Variants in SPAG1 observed in about 807,000 individuals in gnomAD.
SPAG1 encodes sperm associated antigen 1, also known as sperm-associated antigen 1.
Under a neutral mutation model 100.5 loss-of-function variants are expected in SPAG1, and 69 were observed. The ratio of observed to expected loss-of-function variants is 0.69; its 90% CI spans 0.57 to 0.84. The LOEUF (loss-of-function observed/expected upper bound fraction) is 0.84, where lower values mean the gene tolerates loss of function less well. Among genes scored for constraint, SPAG1 ranks in the 40% least tolerant of loss-of-function variants. The pLI is 0.00. For synonymous variants in SPAG1, 336 were observed against 411.6 expected, an observed-to-expected ratio of 0.82 and a Z score of 2.22; for missense variants, 955 against 1,133.1, an observed-to-expected ratio of 0.84 and a Z score of 2.26.
At chr8:100,210,012 T>G (rs778156769) in intron 10 of SPAG1, among the ~76,000 whole-genome samples, 1 of 152,176 alleles carries the variant, frequency 6.6e-6, no homozygotes, top group Non-Finnish European at 1.5e-5. Context: ...AATTGATCAG[T>G]CTACAACTTT....
At chr8:100,225,140 A>AG in intron 13 of SPAG1, 33 bp from the exon 14 acceptor site, 1 of 1,574,444 alleles carries the variant, frequency 6.4e-7, no homozygotes, top group Non-Finnish European at 8.7e-7. Flanking sequence ...AGCAAACTAA[A>AG]TGATCAACAG....
At chr8:100,185,187 A>G (rs1816535378) in intron 7 of SPAG1, 2 of 153,270 alleles carry the variant, frequency 1.3e-5, no homozygotes, top group African/African-American at 4.8e-5. Flanking sequence ...ACAACCAGTT[A>G]CAGATTTCCT....
At chr8:100,223,178 A>G (rs1369936507) in intron 13 of SPAG1, among the ~76,000 whole-genome samples, 1 of 152,212 alleles carries the variant, frequency 6.6e-6, no homozygotes, top group African/African-American at 2.4e-5. Context: ...CAGTTGATGA[A>G]CATTTGGGTC....
intron 10 of SPAG1, among the ~76,000 whole-genome samples, chr8:100,212,348 G>A (rs1563799335): frequency 6.6e-6 from 1 of 152,080 alleles, no homozygotes; most frequent in South Asian, 2.1e-4. Flanking sequence ...ACTTTTTAAC[G>A]GTGCTGTGAA....
rs1019763874 is a variant in SPAG1, at chr8:100,213,744, G to A, written c.1436-75G>A. ...GCAGTGCCACCCCACCGGAGACCTC[G>A]GCCGTCTTGTAATTCTGGTGAACTG... On this transcript the variant is annotated intron_variant, in intron 11 of 18. Coordinates refer to ENST00000388798, the MANE Select transcript of SPAG1 (RefSeq NM_003114.5). The A allele has an allele frequency of 4.3e-6, 4 of 933,630 alleles. No individual in the cohort carries two copies. The African/African-American group carries it at 6.5e-5, about 15-fold the overall frequency. 57.8% of individuals were successfully genotyped at this position (933,630 alleles called of 1,614,324 possible).
chr8:100,235,264 C>T lies in SPAG1; in HGVS notation c.2115+1727C>T, dbSNP rs184987743. On this transcript the variant is annotated intron_variant, in intron 16 of 18. Transcript: ENST00000388798. ...GTCATCTTGGACTAGGTAGGGCCTA[C>T]TGATTTTAACTTGATTACCTCTTTA... Among the ~76,000 whole-genome samples the T allele has an allele frequency of 9.1e-4, 139 of 152,204 alleles. 1 individual carries two copies. Among genetic ancestry groups the T allele is most frequent in the African/African-American group, 2.8e-3 (118 of 41,522 alleles).
intron 13 of SPAG1, among the ~76,000 whole-genome samples, chr8:100,222,449 G>A (rs1229712663): frequency 6.6e-6 from 1 of 152,180 alleles, no homozygotes; most frequent in Non-Finnish European, 1.5e-5. Flanking sequence ...CAATAAAAAT[G>A]AGTGCATTTT....
At position 100,207,912 on chromosome 8, in the gene SPAG1, A is replaced by G. The variant is rs997867160; in HGVS notation, c.1097-5178A>G. 2.0e-5 allele frequency among the ~76,000 whole-genome samples: 3 copies of G among 152,202 alleles called. No individual in the cohort carries two copies. In the East Asian group the frequency reaches 5.8e-4, roughly 29 times the overall value. On this transcript the variant is annotated intron_variant, in intron 10 of 18. Coordinates refer to ENST00000388798, the MANE Select transcript of SPAG1 (RefSeq NM_003114.5). ...CAATTACAAAATCAACTAGGTGACA[A>G]TACTTTGCAGGGCTGGGGCAAAGTT...
At chr8:100,219,560 C>T (rs1818166406) in intron 12 of SPAG1, among the ~76,000 whole-genome samples, 1 of 152,206 alleles carries the variant, frequency 6.6e-6, no homozygotes, top group South Asian at 2.1e-4. Flanking sequence ...ATTATTGGGA[C>T]ATAACCATAT....
Position 100,165,766 on chromosome 8 carries a change from G to T in SPAG1, c.141-48G>T, listed in dbSNP as rs76197337. 1,648 of 1,526,144 alleles carry T rather than the reference G, an allele frequency of 1.1e-3. 17 individuals are homozygous for T. The African/African-American group carries it at 0.019, about 17-fold the overall frequency. 94.5% of individuals were successfully genotyped at this position (1,526,144 alleles called of 1,614,324 possible). On this transcript the variant is annotated intron_variant, in intron 2 of 18. Transcript: ENST00000388798. ...CAGCCTGCAAACCGCTGGTCTAGATGATCCTAAATAAGGTGCTAACTCTAA... is the reference window on the plus strand; with the variant it reads ...CAGCCTGCAAACCGCTGGTCTAGATTATCCTAAATAAGGTGCTAACTCTAA...
intron 8 of SPAG1, among the ~76,000 whole-genome samples, chr8:100,191,070 A>T (rs575371914): frequency 6.6e-6 from 1 of 152,320 alleles, no homozygotes; most frequent in African/African-American, 2.4e-5. Context: ...AGTGAAAATC[A>T]TTCCGATATT....
At chr8:100,230,864 G>A (rs1220439347) in intron 14 of SPAG1, among the ~76,000 whole-genome samples, 1 of 151,938 alleles carries the variant, frequency 6.6e-6, no homozygotes, top group African/African-American at 2.4e-5. Flanking sequence ...CAGGTGATCC[G>A]CCCGCCTCGG....
intron 13 of SPAG1, 30 bp downstream of exon 13, chr8:100,220,461 C>A: frequency 6.3e-7 from 1 of 1,591,016 alleles, no homozygotes. Context: ...TACCTAAAAT[C>A]TAGTTGTTTT....
At chr8:100,230,556 T>C (rs1211291788) in intron 14 of SPAG1, among the ~76,000 whole-genome samples, 1 of 152,236 alleles carries the variant, frequency 6.6e-6, no homozygotes, top group East Asian at 1.9e-4. Flanking sequence ...TCTGTTACTG[T>C]CTTTAGAATC....
rs111236221 is a variant in SPAG1 at position 100,189,631 on chromosome 8, G to A, written c.833-1759G>A. ...GATCACGCCACTGCACTTCAGCCTA[G>A]GGGACAAAGAAAGACTCTGTTTCAA... On this transcript the variant is annotated intron_variant, in intron 8 of 18. Transcript: ENST00000388798. 7.7e-3 allele frequency among the ~76,000 whole-genome samples: 1,176 copies of A among 152,244 alleles called. 10 individuals carry two copies. The highest frequency in any genetic ancestry group is 0.013 in the Non-Finnish European group (884 of 68,004).
chr8:100,235,527 G>A (rs899875893), intron 16 of SPAG1, among the ~76,000 whole-genome samples: 3 of 152,250 alleles, frequency 2.0e-5, no homozygotes, highest in South Asian at 2.1e-4. Context: ...ATTCAGGAGC[G>A]GGGCAGTTTG....
At chr8:100,232,417 C>A (rs1302249127) in intron 15 of SPAG1, among the ~76,000 whole-genome samples, 3 of 152,168 alleles carry the variant, frequency 2.0e-5, no homozygotes, top group Non-Finnish European at 2.9e-5. Flanking sequence ...CACCACCTTA[C>A]AATGATGTCT....
chr8:100,183,391 G>T lies in SPAG1; in HGVS notation c.443G>T (p.Arg148Ile). 1 of 1,425,528 alleles carries T rather than the reference G, an allele frequency of 7.0e-7. No individual in the cohort carries two copies. The allele number at this position is 1,425,528 out of a possible 1,614,324, so 88.3% of individuals were successfully genotyped here. Residue 148 changes from arginine (R) to isoleucine (I), a missense_variant, in exon 5 of 19, where the codon AGA (arginine) becomes ATA (isoleucine). Physicochemically the swap from Arg to Ile is moderately conservative, Grantham distance 97. Coordinates refer to ENST00000388798, the MANE Select transcript of SPAG1 (RefSeq NM_003114.5). ...TTCTTTTAGGAAAAATATTCTAAAA[G>T]ACCAACTAAAAAGAAAACTCCAAGG... Reference protein sequence around the residue: ...LHVGKEKYSKRPTKKKTPRDY... With the variant: ...LHVGKEKYSKIPTKKKTPRDY...
chr8:100,171,594 C>T (rs780971350), intron 3 of SPAG1, among the ~76,000 whole-genome samples: 9 of 152,068 alleles, frequency 5.9e-5, no homozygotes, highest in Non-Finnish European at 8.8e-5. Context: ...TTTTTTCCCC[C>T]GAATCCTCAC....
Sources: gnomAD v4.1 joint callset for allele counts (sites outside exome capture counted in the v4.1 genomes callset) on GRCh38, gnomAD v4.1.1 for gene constraint, MANE v1.5 for transcripts, NCBI Gene and HGNC (gene_info 2026-07-23, HGNC 2026-07-21) for gene names.